Variants in ZNF804A observed in about 807,000 individuals in gnomAD.
ZNF804A encodes zinc finger protein 804A.
A neutral mutation model predicts 16.5 loss-of-function variants in ZNF804A; 2 were observed. The ratio of observed to expected loss-of-function variants is 0.12; its 90% CI spans 0.05 to 0.38. ZNF804A has a LOEUF of 0.38. Ranked by LOEUF, ZNF804A falls within the 10% of genes least tolerant of loss-of-function variation. ZNF804A has a pLI of 0.99. For missense variants in ZNF804A, 1,473 were observed against 1,390.7 expected, an observed-to-expected ratio of 1.06 and a Z score of -0.94; for synonymous variants, 534 against 489.6, an observed-to-expected ratio of 1.09 and a Z score of -1.20.
intron 1 of ZNF804A, among the ~76,000 whole-genome samples, chr2:184,840,345 C>T (rs1223562503): frequency 3.3e-5 from 5 of 152,074 alleles, no homozygotes; most frequent in Non-Finnish European, 2.9e-5. Flanking sequence ...GATCATGCCA[C>T]TGCATCCCAG....
chr2:184,799,717 T>G (rs375053452), intron 1 of ZNF804A, among the ~76,000 whole-genome samples: 7 of 152,086 alleles, frequency 4.6e-5, no homozygotes, highest in Non-Finnish European at 8.8e-5. Flanking sequence ...TTTCTTTTTT[T>G]GTATGTGTAG....
At chr2:184,724,722 G>A (rs771557026) in intron 1 of ZNF804A, among the ~76,000 whole-genome samples, 1 of 151,560 alleles carries the variant, frequency 6.6e-6, no homozygotes, top group Non-Finnish European at 1.5e-5. Flanking sequence ...TACAAAGAAG[G>A]GCATGTAAAT....
chr2:184,925,513 T>C (rs962161547), intron 2 of ZNF804A, among the ~76,000 whole-genome samples: 6 of 151,936 alleles, frequency 3.9e-5, no homozygotes, highest in African/African-American at 1.2e-4. Context: ...TGTCTTTTGA[T>C]TGGAGAGTTT....
At chr2:184,731,453 G>C (rs568087822) in intron 1 of ZNF804A, among the ~76,000 whole-genome samples, 1 of 150,832 alleles carries the variant, frequency 6.6e-6, no homozygotes, top group Admixed American at 6.6e-5. Flanking sequence ...ATGTTATAGC[G>C]TTGTTTTAAC....
chr2:184,869,453 C>G (rs1695937973), intron 2 of ZNF804A, among the ~76,000 whole-genome samples: 1 of 151,954 alleles, frequency 6.6e-6, no homozygotes, highest in African/African-American at 2.4e-5. Context: ...AGTTCTAACC[C>G]TGTCTCTTAC....
In ZNF804A at chr2:184,654,503, G is replaced by A. The variant is rs534352750; in HGVS notation, c.111+55433G>A. Reference sequence around the variant, plus strand: ...CAGAGGTTATGGTTAGAATTCTATTGTCATACATTGTTTGGCTGTTGTTTG... The same window carrying A: ...CAGAGGTTATGGTTAGAATTCTATTATCATACATTGTTTGGCTGTTGTTTG... On this transcript the variant is annotated intron_variant, in intron 1 of 3. Transcript: ENST00000302277. Among the ~76,000 whole-genome samples, 85 of 152,218 alleles carry A rather than the reference G, an allele frequency of 5.6e-4. 1 individual carries two copies. Among genetic ancestry groups the A allele is most frequent in the African/African-American group, 1.9e-3 (80 of 41,538 alleles).
chr2:184,834,213 AAAT>A (rs1695307658), intron 1 of ZNF804A, among the ~76,000 whole-genome samples: 1 of 152,092 alleles, frequency 6.6e-6, no homozygotes, highest in African/African-American at 2.4e-5. Context: ...GGTTTATGTC[AAAT>A]AATAACTGTT....
intron 1 of ZNF804A, among the ~76,000 whole-genome samples, chr2:184,748,393 T>A (rs145043438): frequency 2.4e-4 from 36 of 151,734 alleles, no homozygotes; most frequent in Middle Eastern, 3.4e-3. Flanking sequence ...GTTGAGAGTG[T>A]TTTCATACAT....
intron 2 of ZNF804A, among the ~76,000 whole-genome samples, chr2:184,878,248 C>A (rs1320057810): frequency 6.6e-6 from 1 of 152,000 alleles, no homozygotes; most frequent in African/African-American, 2.4e-5. Context: ...CAAAGAAATG[C>A]AGGTAGATTA....
intron 1 of ZNF804A, among the ~76,000 whole-genome samples, chr2:184,717,391 G>C (rs973631821): frequency 6.6e-6 from 1 of 151,974 alleles, no homozygotes; most frequent in Non-Finnish European, 1.5e-5. Context: ...CTGTCCTGCT[G>C]TTCCAAAATA....
intron 2 of ZNF804A, among the ~76,000 whole-genome samples, chr2:184,928,486 G>A (rs1359483625): frequency 6.6e-6 from 1 of 152,098 alleles, no homozygotes; most frequent in Non-Finnish European, 1.5e-5. Context: ...AGGGGGAGGA[G>A]TGGCATCAGC....
At chr2:184,723,268 A>C (rs780089378) in intron 1 of ZNF804A, among the ~76,000 whole-genome samples, 2 of 151,894 alleles carry the variant, frequency 1.3e-5, no homozygotes, top group Non-Finnish European at 3.0e-5. Flanking sequence ...AAATATCTAA[A>C]TTACTGACTC....
Position 184,720,501 on chromosome 2 carries a change from A to T in ZNF804A, c.111+121431A>T, listed in dbSNP as rs149030585. 1.1e-4 allele frequency among the ~76,000 whole-genome samples: 17 copies of T among 152,232 alleles called. No homozygotes were observed. In the East Asian group the frequency reaches 2.9e-3, roughly 26 times the overall value. The stretch of plus-strand genomic sequence containing the variant: ...AGAAGAAAATCAAGAAGGCAATCTC[A>T]CTTATACTAACTCCATAAATAAATA... On this transcript the variant is annotated intron_variant, in intron 1 of 3. Coordinates refer to ENST00000302277, the MANE Select transcript of ZNF804A (RefSeq NM_194250.2).
intron 1 of ZNF804A, among the ~76,000 whole-genome samples, chr2:184,804,449 G>A (rs1694773013): frequency 6.6e-6 from 1 of 152,196 alleles, no homozygotes; most frequent in Admixed American, 6.5e-5. Flanking sequence ...TGCATAAGCA[G>A]CATGAACATC....
chr2:184,798,789 T>G (rs543111500), intron 1 of ZNF804A, among the ~76,000 whole-genome samples: 16 of 152,270 alleles, frequency 1.1e-4, no homozygotes, highest in African/African-American at 3.1e-4. Context: ...GTGTGATTTT[T>G]GGGGGTGTTA....
At chr2:184,779,317 C>T (rs1415768875) in intron 1 of ZNF804A, among the ~76,000 whole-genome samples, 1 of 151,344 alleles carries the variant, frequency 6.6e-6, no homozygotes. Flanking sequence ...GTTTTGTTTT[C>T]TTTTTTCCTA....
intron 1 of ZNF804A, among the ~76,000 whole-genome samples, chr2:184,768,230 AT>A (rs1180341164): frequency 6.6e-6 from 1 of 152,072 alleles, no homozygotes; most frequent in East Asian, 1.9e-4. Flanking sequence ...GTATTGGGGG[AT>A]GTGCATAGAG....
At chr2:184,748,899 T>A (rs949039425) in intron 1 of ZNF804A, among the ~76,000 whole-genome samples, 1 of 151,578 alleles carries the variant, frequency 6.6e-6, no homozygotes, top group African/African-American at 2.4e-5. Flanking sequence ...ATGTTGTAGG[T>A]GTGCGGCTTT....
chr2:184,784,201 T>C (rs752952600), intron 1 of ZNF804A, among the ~76,000 whole-genome samples: 6 of 151,908 alleles, frequency 3.9e-5, no homozygotes, highest in Non-Finnish European at 2.9e-5. Context: ...CTTTTAAGGA[T>C]TGAAGACAAT....
Sources: gnomAD v4.1 joint callset for allele counts (sites outside exome capture counted in the v4.1 genomes callset) on GRCh38, gnomAD v4.1.1 for gene constraint, MANE v1.5 for transcripts, NCBI Gene and HGNC (gene_info 2026-07-23, HGNC 2026-07-21) for gene names.